Variants in CNTN1 observed in about 807,000 individuals in gnomAD.
The protein encoded by CNTN1 is contactin 1, also known as contactin-1.
Under a neutral mutation model 126.4 loss-of-function variants are expected in CNTN1, and 38 were observed. The ratio of observed to expected loss-of-function variants is 0.30; its 90% CI spans 0.23 to 0.39. CNTN1 has a LOEUF of 0.39. Among genes scored for constraint, CNTN1 ranks in the 10% least tolerant of loss-of-function variants. CNTN1 has a pLI of 1.00. For missense variants in CNTN1, 1,009 were observed against 1,248.4 expected (o/e 0.81, Z 2.89); for synonymous variants, 413 against 422.6 (o/e 0.98, Z 0.28).
chr12:40,741,662 T>C (rs1381792595), intron 1 of CNTN1, among the ~76,000 whole-genome samples: 2 of 152,100 alleles, frequency 1.3e-5, no homozygotes, highest in East Asian at 1.9e-4. Context: ...TTACAGATGA[T>C]GAAATGTGAC....
intron 23 of CNTN1, among the ~76,000 whole-genome samples, chr12:41,035,346 A>AT (rs1274092166): frequency 3.3e-5 from 5 of 152,278 alleles, no homozygotes; most frequent in Admixed American, 6.5e-5. Context: ...TGTGCCAATG[A>AT]TTTTTTTCTA....
chr12:40,728,528 T>C (rs967592587), intron 1 of CNTN1, among the ~76,000 whole-genome samples: 1 of 152,150 alleles, frequency 6.6e-6, no homozygotes, highest in African/African-American at 2.4e-5. Context: ...AGACCCTACT[T>C]GTAAGGACTT....
chr12:40,915,398 T>C (rs1231594790), intron 3 of CNTN1, among the ~76,000 whole-genome samples: 1 of 152,104 alleles, frequency 6.6e-6, no homozygotes, highest in African/African-American at 2.4e-5. Flanking sequence ...ATGACACTTC[T>C]AGAAGCCACT....
At chr12:41,038,630 CCAAA>C (rs779477036) in intron 23 of CNTN1, among the ~76,000 whole-genome samples, 1 of 151,940 alleles carries the variant, frequency 6.6e-6, no homozygotes, top group Non-Finnish European at 1.5e-5. Flanking sequence ...AAAATTCTGC[CCAAA>C]CAGAGGTCAT....
At chr12:41,048,228 C>G (rs750836297) in intron 23 of CNTN1, among the ~76,000 whole-genome samples, 1 of 152,192 alleles carries the variant, frequency 6.6e-6, no homozygotes, top group Non-Finnish European at 1.5e-5. Context: ...GACCACAAAA[C>G]TTCAAGTGGG....
chr12:40,850,008 A>G (rs1942660888), intron 1 of CNTN1, among the ~76,000 whole-genome samples: 1 of 152,072 alleles, frequency 6.6e-6, no homozygotes, highest in South Asian at 2.1e-4. Flanking sequence ...CTATACATAT[A>G]TGTAGTTAAG....
chr12:40,698,665 A>T (rs902535558), intron 1 of CNTN1, among the ~76,000 whole-genome samples: 18 of 152,172 alleles, frequency 1.2e-4, no homozygotes, highest in African/African-American at 4.1e-4. Context: ...ATATGTCATA[A>T]CCACAGTTGT....
At chr12:41,051,893 AACACACACACACACACACACACACACAC>A (rs71078300) in intron 23 of CNTN1, among the ~76,000 whole-genome samples, 6 of 134,486 alleles carry the variant, frequency 4.5e-5, no homozygotes, top group Non-Finnish European at 6.5e-5. Context: ...ACCCCACACA[AACACACACACACACACACACACACACAC>A]ACACACACAC....
At chr12:40,703,660 G>A (rs1464440191) in intron 1 of CNTN1, among the ~76,000 whole-genome samples, 1 of 152,166 alleles carries the variant, frequency 6.6e-6, no homozygotes, top group Non-Finnish European at 1.5e-5. Context: ...GTTCTTCAGT[G>A]AGAAGAGTTT....
In CNTN1 at chr12:40,983,475, G is replaced by A. The variant is rs532181358; in HGVS notation, c.1963+2408G>A. Among the ~76,000 whole-genome samples the A allele has an allele frequency of 5.9e-5, 9 of 151,414 alleles. No homozygotes were observed. The East Asian group carries it at 1.7e-3, about 29-fold the overall frequency. ...TCCTTTGATGATATTCACCGTGTGT[G>A]TGTGTGTGTGTGTGTGTGAGTGTAT... On this transcript the variant is annotated intron_variant, in intron 16 of 23. Coordinates refer to ENST00000551295, the MANE Select transcript of CNTN1 (RefSeq NM_001843.4).
intron 1 of CNTN1, among the ~76,000 whole-genome samples, chr12:40,876,397 T>C (rs1035129324): frequency 6.6e-6 from 1 of 152,084 alleles, no homozygotes; most frequent in Non-Finnish European, 1.5e-5. Context: ...ATTTGTATAG[T>C]AAAGTGAATA....
At chr12:40,767,304 C>CTTTTTTTTTTTT (rs10639318) in intron 1 of CNTN1, among the ~76,000 whole-genome samples, 7 of 89,716 alleles carry the variant, frequency 7.8e-5, no homozygotes, top group Non-Finnish European at 1.0e-4. Context: ...CTGACCTTTC[C>CTTTTTTTTTTTT]TTTTTTTTTT....
intron 1 of CNTN1, among the ~76,000 whole-genome samples, chr12:40,707,217 TTTTC>T (rs1209074532): frequency 1.4e-5 from 2 of 143,496 alleles, no homozygotes; most frequent in Non-Finnish European, 3.0e-5. Context: ...CTTTCATTTC[TTTTC>T]TTTTTCTTTT....
intron 19 of CNTN1, 28 bp downstream of exon 19, chr12:41,016,944 G>C (rs760457303): frequency 2.6e-6 from 4 of 1,562,740 alleles, no homozygotes; most frequent in East Asian, 2.2e-5. Context: ...CTTCTTACCT[G>C]AGGAGGGAGG....
chr12:40,843,384 T>C (rs951266279), intron 1 of CNTN1, among the ~76,000 whole-genome samples: 11 of 152,192 alleles, frequency 7.2e-5, no homozygotes, highest in African/African-American at 2.7e-4. Flanking sequence ...AATTGTGGCT[T>C]ATGCTGAAGT....
At chr12:40,990,321 A>G (rs577270505) in intron 16 of CNTN1, among the ~76,000 whole-genome samples, 1 of 152,290 alleles carries the variant, frequency 6.6e-6, no homozygotes, top group African/African-American at 2.4e-5. Context: ...ATAATTCAGA[A>G]TGTCCATTCT....
intron 1 of CNTN1, among the ~76,000 whole-genome samples, chr12:40,831,017 G>A (rs1044151479): frequency 1.4e-4 from 19 of 132,708 alleles, no homozygotes; most frequent in Middle Eastern, 5.5e-3. Context: ...TTAATATATA[G>A]TATAGTATAT....
intron 16 of CNTN1, among the ~76,000 whole-genome samples, chr12:40,988,745 C>T (rs1328576747): frequency 6.6e-6 from 1 of 152,152 alleles, no homozygotes; most frequent in Non-Finnish European, 1.5e-5. Flanking sequence ...AGGTCTCCTG[C>T]TTTATATCTC....
intron 1 of CNTN1, among the ~76,000 whole-genome samples, chr12:40,876,140 C>T (rs1247741002): frequency 9.4e-6 from 1 of 106,588 alleles, no homozygotes; most frequent in Non-Finnish European, 2.1e-5. Flanking sequence ...TTAGTAAAAG[C>T]CAAAAAAAAA....
Sources: gnomAD v4.1 joint callset for allele counts (sites outside exome capture counted in the v4.1 genomes callset) on GRCh38, gnomAD v4.1.1 for gene constraint, MANE v1.5 for transcripts, NCBI Gene and HGNC (gene_info 2026-07-23, HGNC 2026-07-21) for gene names.